FNBP1L: variants seen among roughly 807,000 people sequenced by gnomAD.
FNBP1L encodes the protein formin binding protein 1 like.
A neutral mutation model predicts 91.2 loss-of-function variants in FNBP1L; 36 were observed. The observed-to-expected ratio is 0.39, with a 90% CI of 0.30 to 0.52. The LOEUF (loss-of-function observed/expected upper bound fraction) is 0.52, where lower values mean the gene tolerates loss of function less well. Ranked by LOEUF, FNBP1L falls within the 20% of genes least tolerant of loss-of-function variation. The probability of loss-of-function intolerance (pLI) is 0.66; values close to 1 mark genes in which losing one functional copy is unlikely to be tolerated. For missense variants in FNBP1L, 571 were observed against 732.1 expected (o/e 0.78, Z 2.54); for synonymous variants, 242 against 237.0 (o/e 1.02, Z -0.19).
chr1:93,507,967 TA>T (rs911002813), intron 2 of FNBP1L, among the ~76,000 whole-genome samples: 6 of 150,826 alleles, frequency 4.0e-5, no homozygotes, highest in African/African-American at 1.5e-4. Flanking sequence ...TTTTTTTTTT[TA>T]AATTATGAAA....
chr1:93,463,911 A>G (rs1668984105), intron 1 of FNBP1L, among the ~76,000 whole-genome samples: 1 of 152,168 alleles, frequency 6.6e-6, no homozygotes, highest in African/African-American at 2.4e-5. Context: ...TTAAACTTGC[A>G]TACATTAACT....
intron 10 of FNBP1L, among the ~76,000 whole-genome samples, chr1:93,538,584 C>T (rs1209447202): frequency 1.3e-5 from 2 of 151,870 alleles, no homozygotes; most frequent in Non-Finnish European, 2.9e-5. Flanking sequence ...TTGGTATTTA[C>T]TAGATATTTA....
At chr1:93,490,630 C>G (rs540257616) in intron 1 of FNBP1L, among the ~76,000 whole-genome samples, 3 of 152,178 alleles carry the variant, frequency 2.0e-5, no homozygotes, top group African/African-American at 7.2e-5. Context: ...GTAATTTATT[C>G]CAGGTTCTAT....
intron 1 of FNBP1L, among the ~76,000 whole-genome samples, chr1:93,465,697 G>T (rs896147062): frequency 1.3e-5 from 2 of 152,152 alleles, no homozygotes; most frequent in Admixed American, 6.5e-5. Flanking sequence ...AGCATGATTT[G>T]TAATCCTTTG....
chr1:93,472,697 A>G (rs1669334044), intron 1 of FNBP1L, among the ~76,000 whole-genome samples: 1 of 151,612 alleles, frequency 6.6e-6, no homozygotes, highest in Non-Finnish European at 1.5e-5. Context: ...CTGTAGTTCC[A>G]GCTACTCGGG....
At chr1:93,527,683 G>T (rs1033997655) in intron 5 of FNBP1L, among the ~76,000 whole-genome samples, 1 of 151,978 alleles carries the variant, frequency 6.6e-6, no homozygotes, top group African/African-American at 2.4e-5. Context: ...ATCATAATCC[G>T]TAAAGCCCGA....
At chr1:93,499,094 G>T (rs956973135) in intron 1 of FNBP1L, among the ~76,000 whole-genome samples, 2 of 152,132 alleles carry the variant, frequency 1.3e-5, no homozygotes, top group East Asian at 3.9e-4. Flanking sequence ...AGTAATTTTA[G>T]GGAGGCTTGG....
intron 1 of FNBP1L, among the ~76,000 whole-genome samples, chr1:93,475,315 T>C (rs1036549879): frequency 6.6e-6 from 1 of 152,094 alleles, no homozygotes; most frequent in African/African-American, 2.4e-5. Flanking sequence ...TTCAGCACTT[T>C]GGGAGGCCAA....
At chr1:93,487,683 A>G (rs934079727) in intron 1 of FNBP1L, among the ~76,000 whole-genome samples, 3 of 152,188 alleles carry the variant, frequency 2.0e-5, no homozygotes, top group Non-Finnish European at 4.4e-5. Flanking sequence ...ATTCAGGACT[A>G]AGATTTTCAT....
At chr1:93,513,182 A>C (rs1376478688) in intron 2 of FNBP1L, among the ~76,000 whole-genome samples, 1 of 152,128 alleles carries the variant, frequency 6.6e-6, no homozygotes, top group African/African-American at 2.4e-5. Flanking sequence ...AAATGGATAA[A>C]TTCCTCGACA....
Position 93,549,341 on chromosome 1 carries a change from T to G in FNBP1L, c.1566T>G (p.Gly522=). ...QEVRGPPQQH[G]HHNEFDDEFE... ...TCCGTGGGCCACCCCAGCAGCATGG[T>G]CACCACAATGAGTTTGATGATGAAT... Residue 522 remains glycine (G), a synonymous_variant, in exon 15 of 17, where the codon GGT becomes GGG. Transcript: ENST00000271234. 6.2e-7 allele frequency: 1 copy of G among 1,612,990 alleles called. No individual in the cohort carries two copies. The highest frequency in any genetic ancestry group is 8.5e-7 in the Non-Finnish European group (1 of 1,179,402).
At chr1:93,519,002 C>G (rs999853353) in intron 2 of FNBP1L, among the ~76,000 whole-genome samples, 3 of 152,126 alleles carry the variant, frequency 2.0e-5, no homozygotes, top group Non-Finnish European at 4.4e-5. Flanking sequence ...TAGGTCATGC[C>G]CAATTACTAG....
intron 1 of FNBP1L, among the ~76,000 whole-genome samples, chr1:93,482,779 G>A (rs1199761000): frequency 6.6e-6 from 1 of 152,050 alleles, no homozygotes; most frequent in Non-Finnish European, 1.5e-5. Context: ...CAGCACTTTG[G>A]GAGGCCGAGG....
Position 93,544,097 on chromosome 1 carries a change from C to A in FNBP1L, c.1165-10C>A, listed in dbSNP as rs547621294. The A allele has an allele frequency of 6.4e-5, 101 of 1,573,000 alleles. 1 individual carries two copies. In the South Asian group the frequency reaches 1.1e-3, roughly 18 times the overall value. On this transcript the variant is annotated splice_polypyrimidine_tract_variant and intron_variant, in intron 11 of 16. Coordinates refer to ENST00000271234, the MANE Select transcript of FNBP1L (RefSeq NM_001164473.3). ...AATGTCTATTATAATGATTTAGATTCTCTTTTCAGGGCCCAGCACTAGAAG... is the reference window on the plus strand; with the variant it reads ...AATGTCTATTATAATGATTTAGATTATCTTTTCAGGGCCCAGCACTAGAAG...
chr1:93,546,110 A>G (rs1291018254), intron 12 of FNBP1L, among the ~76,000 whole-genome samples: 3 of 152,130 alleles, frequency 2.0e-5, no homozygotes, highest in Non-Finnish European at 4.4e-5. Flanking sequence ...GGAAGAGACG[A>G]GAAGAAACCT....
At chr1:93,498,490 A>G (rs1447175930) in intron 1 of FNBP1L, among the ~76,000 whole-genome samples, 2 of 152,122 alleles carry the variant, frequency 1.3e-5, no homozygotes, top group Non-Finnish European at 2.9e-5. Context: ...ATTTTTTTTG[A>G]TGGTTTAAGG....
chr1:93,503,611 G>T (rs1041668177), intron 2 of FNBP1L, among the ~76,000 whole-genome samples: 1 of 152,068 alleles, frequency 6.6e-6, no homozygotes, highest in African/African-American at 2.4e-5. Context: ...TTGGTTTGAG[G>T]ATGGGAATAA....
intron 1 of FNBP1L, among the ~76,000 whole-genome samples, chr1:93,476,571 A>G (rs552588786): frequency 6.6e-6 from 1 of 152,314 alleles, no homozygotes; most frequent in South Asian, 2.1e-4. Flanking sequence ...GGGGTAAGTA[A>G]GTAAAATTCT....
chr1:93,551,794 G>A, intron 16 of FNBP1L: 3 of 985,294 alleles, frequency 3.0e-6, no homozygotes, highest in Non-Finnish European at 3.6e-6. Context: ...AAAATATTTT[G>A]AGGTTAGCTG....
Sources: allele counts gnomAD v4.1 joint callset (sites outside exome capture counted in the v4.1 genomes callset), GRCh38; gene constraint gnomAD v4.1.1; transcripts MANE v1.5; gene names NCBI Gene and HGNC (gene_info 2026-07-23, HGNC 2026-07-21).